GAREM1: variants seen among roughly 807,000 people sequenced by gnomAD.
GAREM1 encodes the protein GRB2-associated and regulator of MAPK protein 1.
In GAREM1, 26 loss-of-function variants were observed where a neutral mutation model predicts 71.3. The ratio of observed to expected loss-of-function variants is 0.36; its 90% confidence interval spans 0.27 to 0.51. The LOEUF (loss-of-function observed/expected upper bound fraction) is 0.51, where lower values mean the gene tolerates loss of function less well. Among genes scored for constraint, GAREM1 ranks in the 20% least tolerant of loss-of-function variants. GAREM1 has a pLI of 0.95. For missense variants in GAREM1, 1,026 were observed against 1,103.1 expected (o/e 0.93, Z 0.99); for synonymous variants, 440 against 433.2 (o/e 1.02, Z -0.20).
In GAREM1 at chr18:32,265,871, C is replaced by T. The variant is rs2041366274; in HGVS notation, c.*2000G>A. ...ATGAAAACTTGCAGCTTAGTAACTG[C>T]ATCTTGTCTGTTTTTATTTTAAAAA... On this transcript the variant is annotated 3_prime_UTR_variant, in exon 6 of 6. Coordinates refer to ENST00000269209, the MANE Select transcript of GAREM1 (RefSeq NM_001242409.2). 2.0e-5 allele frequency: 3 copies of T among 152,122 alleles called. No homozygotes were observed. The highest frequency in any genetic ancestry group is 2.0e-4 in the Admixed American group (3 of 15,278). 9.4% of individuals were successfully genotyped at this position (152,122 alleles called of 1,614,324 possible).
At chr18:32,419,281 A>T (rs1465596309) in intron 1 of GAREM1, among the ~76,000 whole-genome samples, 1 of 152,188 alleles carries the variant, frequency 6.6e-6, no homozygotes, top group East Asian at 1.9e-4. Context: ...AGGTCGGGCC[A>T]CCAAGATAGT....
At chr18:32,320,492 G>A (rs1451605237) in intron 2 of GAREM1, among the ~76,000 whole-genome samples, 1 of 152,032 alleles carries the variant, frequency 6.6e-6, no homozygotes, top group Non-Finnish European at 1.5e-5. Context: ...GGGAAAGGAG[G>A]GGTAAGGAAC....
intron 1 of GAREM1, among the ~76,000 whole-genome samples, chr18:32,451,915 G>A (rs774471122): frequency 7.2e-5 from 11 of 152,186 alleles, no homozygotes; most frequent in Non-Finnish European, 1.5e-4. Flanking sequence ...AGAGCCAGCT[G>A]CAGAATGTTG....
chr18:32,330,467 A>G (rs1390592469), intron 2 of GAREM1, among the ~76,000 whole-genome samples: 1 of 152,196 alleles, frequency 6.6e-6, no homozygotes, highest in Non-Finnish European at 1.5e-5. Flanking sequence ...CAATGTACTC[A>G]TATAACAAAC....
intron 2 of GAREM1, among the ~76,000 whole-genome samples, chr18:32,348,922 A>G (rs531667539): frequency 1.3e-5 from 2 of 152,286 alleles, no homozygotes; most frequent in South Asian, 4.1e-4. Flanking sequence ...ACACATCCAT[A>G]TTTGTTGGGC....
chr18:32,393,099 A>G lies in GAREM1; in HGVS notation c.122-64T>C, dbSNP rs535076700. On this transcript the variant is annotated intron_variant, in intron 1 of 5. Coordinates refer to ENST00000269209, the MANE Select transcript of GAREM1 (RefSeq NM_001242409.2). The stretch of plus-strand genomic sequence containing the variant: ...TAATCTGCTTTCTCCATACTTTGCA[A>G]TAAAATTTCATTAGTTAAAACTTGA... 1,023 of 1,511,270 alleles carry G rather than the reference A, an allele frequency of 6.8e-4. 1 individual carries two copies. The highest frequency in any genetic ancestry group is 8.7e-4 in the Non-Finnish European group (961 of 1,107,676). 93.6% of individuals were successfully genotyped at this position (1,511,270 alleles called of 1,614,324 possible).
At chr18:32,346,431 C>G in intron 2 of GAREM1, among the ~76,000 whole-genome samples, 1 of 152,106 alleles carries the variant, frequency 6.6e-6, no homozygotes, top group East Asian at 1.9e-4. Flanking sequence ...AAGTGTTTAG[C>G]AAATGTTTCA....
chr18:32,274,098 T>G (rs1057051958), intron 4 of GAREM1, among the ~76,000 whole-genome samples: 2 of 152,128 alleles, frequency 1.3e-5, no homozygotes, highest in African/African-American at 4.8e-5. Context: ...CCAAGTGGCA[T>G]TATTATTTTC....
At chr18:32,285,248 C>A (rs2047001372) in intron 4 of GAREM1, among the ~76,000 whole-genome samples, 1 of 152,224 alleles carries the variant, frequency 6.6e-6, no homozygotes, top group Admixed American at 6.5e-5. Flanking sequence ...AGACCTGTAG[C>A]TGCTGGGGAG....
At chr18:32,359,936 A>C (rs2047848542) in intron 2 of GAREM1, among the ~76,000 whole-genome samples, 1 of 151,324 alleles carries the variant, frequency 6.6e-6, no homozygotes, top group Non-Finnish European at 1.5e-5. Context: ...TTAAATATAA[A>C]TAAATAAATA....
intron 2 of GAREM1, among the ~76,000 whole-genome samples, chr18:32,386,305 C>A (rs545021370): frequency 6.6e-6 from 1 of 152,284 alleles, no homozygotes; most frequent in South Asian, 2.1e-4. Context: ...ATGTTAGATG[C>A]CACATTACTA....
intron 2 of GAREM1, among the ~76,000 whole-genome samples, chr18:32,347,559 CAG>C (rs2047708616): frequency 6.6e-6 from 1 of 152,058 alleles, no homozygotes; most frequent in Admixed American, 6.6e-5. Flanking sequence ...TTTAGAAAAA[CAG>C]TCTTTTCAAA....
intron 1 of GAREM1, among the ~76,000 whole-genome samples, chr18:32,463,956 C>T (rs115992883): frequency 0.014 from 2,093 of 148,546 alleles, 59 homozygotes; most frequent in African/African-American, 0.049. Flanking sequence ...AAATGATCAT[C>T]CATCAGTGAA....
At position 32,267,734 on chromosome 18, in the gene GAREM1, T is replaced by C. The variant is rs2041393448; in HGVS notation, c.*137A>G. 1.2e-5 allele frequency: 8 copies of C among 662,206 alleles called. No homozygotes were observed. Among genetic ancestry groups the C allele is most frequent in the South Asian group, 6.2e-5 (3 of 48,528 alleles). The allele number at this position is 662,206 out of a possible 1,614,324, so 41.0% of individuals were successfully genotyped here. A position where few individuals can be genotyped will look rare whatever the true frequency, so the allele number is the denominator to read the frequency against. On this transcript the variant is annotated 3_prime_UTR_variant, in exon 6 of 6. Coordinates refer to ENST00000269209, the MANE Select transcript of GAREM1 (RefSeq NM_001242409.2). ...GCCTGTTCACCATTCAAAAACGTAA[T>C]CTGCATAGTAAGAGTTTCTCTTATC...
chr18:32,365,825 C>T (rs1351793214), intron 2 of GAREM1, among the ~76,000 whole-genome samples: 1 of 152,124 alleles, frequency 6.6e-6, no homozygotes, highest in Non-Finnish European at 1.5e-5. Flanking sequence ...TAGTATGAAA[C>T]CTTTTCATTA....
chr18:32,316,502 G>A (rs2047379097), intron 2 of GAREM1, among the ~76,000 whole-genome samples: 1 of 152,126 alleles, frequency 6.6e-6, no homozygotes, highest in Non-Finnish European at 1.5e-5. Flanking sequence ...GCCCAGGCTG[G>A]AGTGCAGTGG....
chr18:32,395,824 C>T (rs542916465), intron 1 of GAREM1, among the ~76,000 whole-genome samples: 2 of 152,284 alleles, frequency 1.3e-5, no homozygotes, highest in East Asian at 1.9e-4. Flanking sequence ...AGTGGTTCTC[C>T]CAGCACGGAG....
At chr18:32,379,697 T>G (rs1187140692) in intron 2 of GAREM1, among the ~76,000 whole-genome samples, 2 of 150,962 alleles carry the variant, frequency 1.3e-5, no homozygotes, top group Admixed American at 6.6e-5. Context: ...AGAACGAGAC[T>G]TGGTCTTTAA....
intron 2 of GAREM1, among the ~76,000 whole-genome samples, chr18:32,374,174 A>C (rs1433440889): frequency 1.3e-5 from 2 of 152,202 alleles, no homozygotes; most frequent in African/African-American, 2.4e-5. Flanking sequence ...ATTCAAGTAG[A>C]TATTAGAAAA....
Sources: allele counts gnomAD v4.1 joint callset (sites outside exome capture counted in the v4.1 genomes callset), GRCh38; gene constraint gnomAD v4.1.1; transcripts MANE v1.5; gene names NCBI Gene and HGNC (gene_info 2026-07-23, HGNC 2026-07-21).